The following ADPRHL1 variants were observed in gnomAD, a reference collection of about 807,000 sequenced individuals.
The protein encoded by ADPRHL1 is ADP-ribosylhydrolase like 1.
A neutral mutation model predicts 44.1 loss-of-function variants in ADPRHL1; 43 were observed. The observed-to-expected ratio is 0.98, with a 90% CI of 0.76 to 1.26. The LOEUF (loss-of-function observed/expected upper bound fraction) is 1.26, where lower values mean the gene tolerates loss of function less well. ADPRHL1 is among the 50% of genes most tolerant of loss of function. The pLI is 0.00. For synonymous variants in ADPRHL1, 878 were observed against 1,017.4 expected (o/e 0.86, Z 2.61); for missense variants, 2,022 against 2,496.9 (o/e 0.81, Z 4.05).
intron 3 of ADPRHL1, among the ~76,000 whole-genome samples, chr13:113,431,317 C>T (rs2044005397): frequency 6.6e-6 from 1 of 152,238 alleles, no homozygotes; most frequent in Non-Finnish European, 1.5e-5. Context: ...GCCCGTGACA[C>T]GCCATGCGGA....
intron 4 of ADPRHL1, among the ~76,000 whole-genome samples, chr13:113,426,042 T>C (rs777788158): frequency 4.5e-4 from 69 of 152,306 alleles, no homozygotes; most frequent in Non-Finnish European, 2.5e-4. Context: ...TCTCGTTACA[T>C]TGTTGCATTA....
chr13:113,400,879 A>C lies in ADPRHL1; in HGVS notation c.*2499T>G, dbSNP rs1005990967. On this transcript the variant is annotated 3_prime_UTR_variant, in exon 8 of 8. Transcript: ENST00000612156. ...CAGGCACGACACTTCCGGAGCTGTC[A>C]TCTGGAGGAGATTCTCATCATTTTT... 1 of 152,208 alleles carries C rather than the reference A, an allele frequency of 6.6e-6. No homozygotes were observed. Among genetic ancestry groups the C allele is most frequent in the Admixed American group, 6.5e-5 (1 of 15,284 alleles). The allele number at this position is 152,208 out of a possible 1,614,324, so 9.4% of individuals were successfully genotyped here.
chr13:113,441,830 G>C lies in ADPRHL1; in HGVS notation c.379+2595C>G, dbSNP rs185149773. On this transcript the variant is annotated intron_variant, in intron 2 of 7. Transcript: ENST00000612156. This position sits in a 1 kb window ranked among gnomAD's most constrained non-coding sequence, Gnocchi z 6.0. Reference sequence around the variant, plus strand: ...CTCCACCACACGGGTCCGTGTCTCTGTCACGTTGTGTCCCGCCGCGTGGGT... The same window carrying C: ...CTCCACCACACGGGTCCGTGTCTCTCTCACGTTGTGTCCCGCCGCGTGGGT... 5.3e-5 allele frequency among the ~76,000 whole-genome samples: 8 copies of C among 151,834 alleles called. No homozygotes were observed. The East Asian group carries it at 5.8e-4, about 11-fold the overall frequency.
intron 7 of ADPRHL1, among the ~76,000 whole-genome samples, chr13:113,417,167 G>C (rs1289785545): frequency 6.6e-6 from 1 of 152,234 alleles, no homozygotes; most frequent in Non-Finnish European, 1.5e-5. Context: ...CCCACTGGCA[G>C]GGCCCCGGGG....
At chr13:113,447,226 C>T (rs1183426801) in intron 1 of ADPRHL1, among the ~76,000 whole-genome samples, 9 of 116,850 alleles carry the variant, frequency 7.7e-5, no homozygotes, top group African/African-American at 1.7e-4. Context: ...TCTACACGCA[C>T]GGTGTTGTGT....
rs957044810 is a variant in ADPRHL1, at chr13:113,407,582, G to A, written c.1700C>T (p.Ala567Val). The A allele has an allele frequency of 1.3e-5, 16 of 1,232,102 alleles. No homozygotes were observed. Among genetic ancestry groups the A allele is most frequent in the Admixed American group, 8.4e-5 (2 of 23,710 alleles). The allele number at this position is 1,232,102 out of a possible 1,614,324, so 76.3% of individuals were successfully genotyped here. ...CCGCTCCTGCGTGTGCAGCCTCAGCGCACTGGCCTCGGAGCACAGGCAGCT... is the reference window on the plus strand; with the variant it reads ...CCGCTCCTGCGTGTGCAGCCTCAGCACACTGGCCTCGGAGCACAGGCAGCT... ...QNSCLCSEAS[A>V]LRLHTQERKK... is the part of the protein sequence containing the mutation. The change falls in exon 8 of 8, where the codon GCG (alanine) becomes GTG (valine). Residue 567 changes from alanine to valine, a missense_variant. By Grantham distance (64) the Ala-to-Val change is moderately conservative. Transcript: ENST00000612156.
At chr13:113,415,571 T>C (rs550889416) in intron 7 of ADPRHL1, among the ~76,000 whole-genome samples, 62 of 152,010 alleles carry the variant, frequency 4.1e-4, no homozygotes, top group Non-Finnish European at 7.4e-4. Context: ...GCCAACAGGG[T>C]GAAACCGCAA....
chr13:113,409,661 C>A lies in ADPRHL1; in HGVS notation c.1062-1441G>T. ...GCGTGATTTGGGAGGCCGAGGCTGG[C>A]AGATCACGAGGTCAGGAGATCGAGA... On this transcript the variant is annotated intron_variant, in intron 7 of 7. Transcript: ENST00000612156. This position sits in a 1 kb window ranked among gnomAD's most constrained non-coding sequence, Gnocchi z 4.2. The A allele has an allele frequency of 3.1e-6, 3 of 958,960 alleles. No individual in the cohort carries two copies. The highest frequency in any genetic ancestry group is 9.6e-5 in the South Asian group (2 of 20,754). 59.4% of individuals were successfully genotyped at this position (958,960 alleles called of 1,614,324 possible). A position where few individuals can be genotyped will look rare whatever the true frequency, so the allele number is the denominator to read the frequency against.
chr13:113,427,188 G>C (rs1044283878), intron 4 of ADPRHL1, among the ~76,000 whole-genome samples: 25 of 152,234 alleles, frequency 1.6e-4, no homozygotes, highest in Admixed American at 3.9e-4. Context: ...TTGCTGGTTA[G>C]ATAATTCCAA....
At chr13:113,451,966 G>C (rs920921059) in intron 1 of ADPRHL1, among the ~76,000 whole-genome samples, 1 of 152,182 alleles carries the variant, frequency 6.6e-6, no homozygotes, top group Admixed American at 6.5e-5. Context: ...AGCCATGGAC[G>C]CTGCCATTTA....
At chr13:113,424,682 AT>A (rs1162006946) in intron 5 of ADPRHL1, among the ~76,000 whole-genome samples, 1 of 140,402 alleles carries the variant, frequency 7.1e-6, no homozygotes, top group Non-Finnish European at 1.5e-5. Context: ...CCATCCATTC[AT>A]CTATCCACCC....
chr13:113,433,847 T>C lies in ADPRHL1; in HGVS notation c.400A>G (p.Thr134Ala). 6.4e-7 allele frequency: 1 copy of C among 1,564,220 alleles called. No homozygotes were observed. The highest frequency in any genetic ancestry group is 1.4e-5 in the African/African-American group (1 of 73,756). The change falls in exon 3 of 8, where the codon ACC becomes GCC. Residue 134 changes from threonine to alanine, a missense_variant. Thr to Ala is a moderately conservative substitution (Grantham distance 58). Around this residue, in one of 8 missense-constraint regions of ADPRHL1, gnomAD observed 437 missense variants for 430.7 expected, o/e 1.01. Transcript: ENST00000612156. ...CGCAGGCCGATGCACATGGCCTTGG[T>C]GGCCGCTCCAAACCCTGAGCCTGTG... ...NEKGSGFGAA[T>A]KAMCIGLRYW...
chr13:113,429,990 T>A (rs1170152297), intron 3 of ADPRHL1, among the ~76,000 whole-genome samples: 1 of 152,228 alleles, frequency 6.6e-6, no homozygotes, highest in Non-Finnish European at 1.5e-5. Flanking sequence ...GGGAGGCCTG[T>A]CCTGGTCCAT....
intron 2 of ADPRHL1, among the ~76,000 whole-genome samples, chr13:113,434,618 T>C (rs1444024560): frequency 7.6e-6 from 1 of 131,860 alleles, no homozygotes; most frequent in Non-Finnish European, 1.6e-5. Flanking sequence ...AGAGTGAACA[T>C]AGGTGTACCC....
chr13:113,417,813 C>T (rs1256558821), intron 7 of ADPRHL1, among the ~76,000 whole-genome samples: 1 of 152,248 alleles, frequency 6.6e-6, no homozygotes, highest in Non-Finnish European at 1.5e-5. Flanking sequence ...GGGATTTTTA[C>T]CAGGGGAGCT....
At chr13:113,445,734 C>T (rs569158042) in intron 1 of ADPRHL1, among the ~76,000 whole-genome samples, 3 of 152,206 alleles carry the variant, frequency 2.0e-5, no homozygotes, top group South Asian at 2.1e-4. Context: ...CTTTTTCAGC[C>T]GCATCAGAGC....
At chr13:113,451,217 A>G (rs1440446480) in intron 1 of ADPRHL1, among the ~76,000 whole-genome samples, 2 of 152,242 alleles carry the variant, frequency 1.3e-5, no homozygotes, top group Non-Finnish European at 2.9e-5. Flanking sequence ...GAGGATTATC[A>G]TAATATTGGA....
chr13:113,406,112 G>A lies in ADPRHL1; in HGVS notation c.3170C>T (p.Pro1057Leu), dbSNP rs926184521. 1.5e-5 allele frequency: 18 copies of A among 1,231,996 alleles called. No homozygotes were observed. The highest frequency in any genetic ancestry group is 4.2e-5 in the Admixed American group (1 of 23,702). 76.3% of individuals were successfully genotyped at this position (1,231,996 alleles called of 1,614,324 possible). The stretch of plus-strand genomic sequence containing the variant: ...CGCACCGGGCACTGTCATGCCCATC[G>A]GGGTGACACCCTCAGGCCCCGTACG... ...KGRTGPEGVTPMGMTVPGALE... is the reference protein window; with the variant it reads ...KGRTGPEGVTLMGMTVPGALE... Residue 1057 changes from proline to leucine, a missense_variant, in exon 8 of 8, where the codon CCG (proline) becomes CTG (leucine). Pro to Leu is a moderately conservative substitution (Grantham distance 98). Transcript: ENST00000612156.
rs144786560 is a variant in ADPRHL1 at position 113,409,213 on chromosome 13, G to A, written c.1062-993C>T. 177 of 792,342 alleles carry A rather than the reference G, an allele frequency of 2.2e-4. No homozygotes were observed. The African/African-American group carries it at 2.6e-3, about 12-fold the overall frequency. The allele number at this position is 792,342 out of a possible 1,614,324, so 49.1% of individuals were successfully genotyped here. A position where few individuals can be genotyped will look rare whatever the true frequency, so the allele number is the denominator to read the frequency against. On this transcript the variant is annotated intron_variant, in intron 7 of 7. Transcript: ENST00000612156. The surrounding 1 kb of genome is among the most constrained non-coding windows in gnomAD (Gnocchi z 4.2). ...GATGGTGTTTTCTGAGCCTGGGTCC[G>A]GGGTAAGTTCTGCTCCTGAGCAGCC...
Sources: gnomAD v4.1 joint callset for allele counts (sites outside exome capture counted in the v4.1 genomes callset) on GRCh38, gnomAD v4.1.1 for gene constraint, gnomAD v4.1.1 regional missense constraint, Gnocchi (gnomAD v3.1) non-coding constraint, MANE v1.5 for transcripts, NCBI Gene and HGNC (gene_info 2026-07-23, HGNC 2026-07-21) for gene names.